WDR83: variants seen among roughly 807,000 people sequenced by gnomAD.
The protein encoded by WDR83 is WD repeat domain-containing protein 83.
In WDR83, 37 loss-of-function variants were observed where a neutral mutation model predicts 37.7. That is an observed-to-expected ratio of 0.98 (90% CI 0.76 to 1.29). WDR83 has a LOEUF of 1.29. Among genes scored for constraint, WDR83 ranks in the 50% most tolerant of loss-of-function variants. WDR83 has a pLI of 0.00. For missense variants in WDR83, 445 were observed against 414.4 expected, an observed-to-expected ratio of 1.07 and a Z score of -0.64; for synonymous variants, 174 against 181.1, an observed-to-expected ratio of 0.96 and a Z score of 0.31.
At chr19:12,669,038 C>G (rs2024332914) in intron 2 of WDR83, 1 of 1,350,238 alleles carries the variant, frequency 7.4e-7, no homozygotes, top group African/African-American at 1.4e-5. Context: ...GCCCCATCAG[C>G]AATGACAAGA....
chr19:12,671,183 C>T, intron 7 of WDR83: 1 of 206,774 alleles, frequency 4.8e-6, no homozygotes, highest in Non-Finnish European at 1.0e-5. Flanking sequence ...CAAAAATTAG[C>T]CAGGTGTGGT....
rs1373246329 is a variant in WDR83 at position 12,669,782 on chromosome 19, C to T, written c.-9C>T. On this transcript the variant is annotated 5_prime_UTR_variant, in exon 3 of 11. Coordinates refer to ENST00000418543, the MANE Select transcript of WDR83 (RefSeq NM_001099737.3). ...CGATTTAAGGCTGCAAGGAAGGAGT[C>T]CTGGGAGCATGGCTTTCCCTGAGCC... 2.5e-6 allele frequency: 4 copies of T among 1,594,032 alleles called. No homozygotes were observed. The highest frequency in any genetic ancestry group is 1.8e-5 in the Admixed American group (1 of 56,620).
At chr19:12,670,338 C>A (rs1360998495) in intron 5 of WDR83, 53 bp downstream of exon 5, 4 of 1,584,824 alleles carry the variant, frequency 2.5e-6, no homozygotes, top group South Asian at 1.1e-5. Flanking sequence ...CGTATTAGCG[C>A]ATAGGTGGTG....
rs1459198228 is a variant in WDR83 at position 12,673,188 on chromosome 19, C to G, written c.684-14C>G. Reference sequence around the variant, plus strand: ...CTGGAGAGGACCAAGCCCCCCGATCCTGTCCACCCTTAGGTACAAGGGCCA... The same window carrying G: ...CTGGAGAGGACCAAGCCCCCCGATCGTGTCCACCCTTAGGTACAAGGGCCA... On this transcript the variant is annotated splice_polypyrimidine_tract_variant and intron_variant, in intron 9 of 10. Coordinates refer to ENST00000418543, the MANE Select transcript of WDR83 (RefSeq NM_001099737.3). 6.2e-7 allele frequency: 1 copy of G among 1,613,910 alleles called. No homozygotes were observed. Among genetic ancestry groups the G allele is most frequent in the Admixed American group, 1.7e-5 (1 of 59,994 alleles).
intron 4 of WDR83, 34 bp downstream of exon 4, chr19:12,670,131 G>A (rs1323341590): frequency 1.2e-6 from 2 of 1,606,878 alleles, no homozygotes; most frequent in South Asian, 1.1e-5. Context: ...TGGGAGCGCT[G>A]AGGCTGGGAT....
At chr19:12,674,897 C>T (rs566661716) in intron 10 of WDR83, among the ~76,000 whole-genome samples, 2 of 152,008 alleles carry the variant, frequency 1.3e-5, no homozygotes, top group South Asian at 4.1e-4. Context: ...GGGTGGATCA[C>T]GAGGTCAGGA....
chr19:12,670,133 G>C (rs373559026), intron 4 of WDR83, 36 bp downstream of exon 4: 5 of 1,606,948 alleles, frequency 3.1e-6, no homozygotes, highest in African/African-American at 1.3e-5. Flanking sequence ...GGAGCGCTGA[G>C]GCTGGGATCC....
At chr19:12,669,575 T>G in intron 2 of WDR83, 180 bp from the exon 3 acceptor site, 1 of 968,486 alleles carries the variant, frequency 1.0e-6, no homozygotes, top group Non-Finnish European at 1.5e-6. Context: ...AAGCCAGAAG[T>G]CTTCCTTTCA....
At chr19:12,669,063 C>G in intron 2 of WDR83, 1 of 1,561,284 alleles carries the variant, frequency 6.4e-7, no homozygotes, top group Non-Finnish European at 8.8e-7. Context: ...CCGCTTCATT[C>G]CAAACCCGCC....
chr19:12,666,873 T>C lies in WDR83; in HGVS notation c.-276T>C. Reference sequence around the variant, plus strand: ...AATCCCGGGGGTCGTTACAGGAAGGTAGGAAAATGCCACCCTCAGGGCACT... The same window carrying C: ...AATCCCGGGGGTCGTTACAGGAAGGCAGGAAAATGCCACCCTCAGGGCACT... On this transcript the variant is annotated 5_prime_UTR_variant, in exon 1 of 11. Transcript: ENST00000418543. 1 of 639,070 alleles carries C rather than the reference T, an allele frequency of 1.6e-6. No individual in the cohort carries two copies. The highest frequency in any genetic ancestry group is 2.8e-5 in the East Asian group (1 of 35,472). 39.6% of individuals were successfully genotyped at this position (639,070 alleles called of 1,614,324 possible). A position where few individuals can be genotyped will look rare whatever the true frequency, so the allele number is the denominator to read the frequency against.
At chr19:12,669,931 C>A in intron 3 of WDR83, 38 bp downstream of exon 3, 1 of 1,602,068 alleles carries the variant, frequency 6.2e-7, no homozygotes, top group African/African-American at 1.3e-5. Flanking sequence ...CCTCCTCCCG[C>A]CTCCTGAGAT....
intron 5 of WDR83, 31 bp downstream of exon 5, chr19:12,670,316 G>T: frequency 6.2e-7 from 1 of 1,607,632 alleles, no homozygotes. Flanking sequence ...CCTCATTTGA[G>T]TGGAGGGGAC....
At chr19:12,672,437 C>G (rs1002879179) in intron 7 of WDR83, 1 of 203,678 alleles carries the variant, frequency 4.9e-6, no homozygotes, top group Non-Finnish European at 1.0e-5. Context: ...GGAGAAACCC[C>G]GTCTCTACTA....
At chr19:12,673,410 C>CT (rs58676851) in intron 10 of WDR83, 94 bp downstream of exon 10, 9,912 of 246,170 alleles carry the variant, frequency 0.04, 167 homozygotes, top group East Asian at 0.053. Context: ...AGGCTAGGAT[C>CT]TTTTTTTTTT....
chr19:12,669,179 G>A (rs1599365236), intron 2 of WDR83: 5 of 1,614,178 alleles, frequency 3.1e-6, no homozygotes, highest in Non-Finnish European at 4.2e-6. Context: ...GGTTCATGTA[G>A]TCCGGCGTCG....
rs1193650996 is a variant in WDR83 at position 12,669,756 on chromosome 19, C to A, written c.-35C>A. ...TAAGGCGCGGAATTTTCCGTACAGA[C>A]CGATTTAAGGCTGCAAGGAAGGAGT... is the stretch of plus-strand genomic sequence containing the variant. On this transcript the variant is annotated splice_region_variant and 5_prime_UTR_variant, in exon 3 of 11. Coordinates refer to ENST00000418543, the MANE Select transcript of WDR83 (RefSeq NM_001099737.3). 1.9e-6 allele frequency: 3 copies of A among 1,549,036 alleles called. No homozygotes were observed. The highest frequency in any genetic ancestry group is 2.1e-5 in the Admixed American group (1 of 48,758).
chr19:12,670,660 C>G (rs1171064592), intron 6 of WDR83, 35 bp from the exon 7 acceptor site: 4 of 1,614,100 alleles, frequency 2.5e-6, no homozygotes, highest in East Asian at 2.2e-5. Flanking sequence ...CCCTCCCCCT[C>G]CAAACCTGAC....
chr19:12,668,470 T>TC (rs2024318118), intron 1 of WDR83, 38 bp from the exon 2 acceptor site: 1 of 1,612,488 alleles, frequency 6.2e-7, no homozygotes, highest in Non-Finnish European at 8.5e-7. Flanking sequence ...CAGGCTGGGG[T>TC]CCCCCCACCC....
chr19:12,673,928 G>A (rs2024494017), intron 10 of WDR83, among the ~76,000 whole-genome samples: 1 of 152,166 alleles, frequency 6.6e-6, no homozygotes, highest in African/African-American at 2.4e-5. Flanking sequence ...TCAAACTCCT[G>A]ACCTCAAGTG....
Sources: allele counts gnomAD v4.1 joint callset (sites outside exome capture counted in the v4.1 genomes callset), GRCh38; gene constraint gnomAD v4.1.1; transcripts MANE v1.5; gene names NCBI Gene and HGNC (gene_info 2026-07-23, HGNC 2026-07-21).